The following TMCC1 variants were observed in gnomAD, a reference collection of about 807,000 sequenced individuals.
TMCC1 encodes the protein transmembrane and coiled-coil domains protein 1.
In TMCC1, 15 loss-of-function variants were observed where a neutral mutation model predicts 52.4. That is an observed-to-expected ratio of 0.29 (90% CI 0.19 to 0.44). TMCC1 has a LOEUF of 0.44. Among genes scored for constraint, TMCC1 ranks in the 20% least tolerant of loss-of-function variants. TMCC1 has a pLI of 1.00. For synonymous variants in TMCC1, 279 were observed against 301.9 expected, an observed-to-expected ratio of 0.92 and a Z score of 0.79; for missense variants, 503 against 806.0, an observed-to-expected ratio of 0.62 and a Z score of 4.55.
chr3:129,776,544 C>G (rs1431697955), intron 4 of TMCC1, among the ~76,000 whole-genome samples: 2 of 152,280 alleles, frequency 1.3e-5, no homozygotes, highest in Admixed American at 6.5e-5. Flanking sequence ...AGAAGAGGGG[C>G]ACCCAAATAG....
chr3:129,824,581 A>T (rs976054510), intron 4 of TMCC1, among the ~76,000 whole-genome samples: 4 of 152,238 alleles, frequency 2.6e-5, no homozygotes, highest in Admixed American at 2.6e-4. Context: ...GGACATAGCC[A>T]TAAACATTCT....
At chr3:129,863,834 C>T (rs1477205794) in intron 2 of TMCC1, among the ~76,000 whole-genome samples, 5 of 151,732 alleles carry the variant, frequency 3.3e-5, no homozygotes, top group East Asian at 1.9e-4. Flanking sequence ...TGTACTCCAC[C>T]CTGGGTGACA....
chr3:129,793,629 C>G (rs980064696), intron 4 of TMCC1, among the ~76,000 whole-genome samples: 5 of 152,190 alleles, frequency 3.3e-5, no homozygotes, highest in African/African-American at 1.2e-4. Context: ...TCAAGGAGGG[C>G]TGGCTACAGG....
chr3:129,708,048 T>C (rs979776396), intron 4 of TMCC1, among the ~76,000 whole-genome samples: 1 of 152,154 alleles, frequency 6.6e-6, no homozygotes, highest in Non-Finnish European at 1.5e-5. Flanking sequence ...TTACTAGTAA[T>C]TTAGTGCTTT....
intron 2 of TMCC1, among the ~76,000 whole-genome samples, chr3:129,872,366 C>T (rs2060971621): frequency 6.6e-6 from 1 of 151,902 alleles, no homozygotes; most frequent in African/African-American, 2.4e-5. Context: ...ATCAGCATTA[C>T]ATGGGAGCTT....
intron 2 of TMCC1, among the ~76,000 whole-genome samples, chr3:129,836,144 A>G (rs2107853021): frequency 6.6e-6 from 1 of 152,340 alleles, no homozygotes; most frequent in East Asian, 1.9e-4. Context: ...GGTATAATTT[A>G]TCAGGAAGAT....
Position 129,865,129 on chromosome 3 carries a change from G to C in TMCC1, c.-184+15180C>G, listed in dbSNP as rs189763023. On this transcript the variant is annotated intron_variant, in intron 2 of 6. Transcript: ENST00000393238. ...CTATCTTAATCTGGAGGGTCAAGAA[G>C]TCAGACTAGCCTCTTACACTCCCAA... Among the ~76,000 whole-genome samples the C allele has an allele frequency of 8.9e-4, 135 of 152,204 alleles. 3 individuals are homozygous for C. The East Asian group carries it at 0.024, about 27-fold the overall frequency.
intron 4 of TMCC1, chr3:129,819,961 C>G (rs941295067): frequency 6.6e-6 from 1 of 151,484 alleles, no homozygotes; most frequent in African/African-American, 2.4e-5. Context: ...ATCTACTTGA[C>G]GTCAAGTTTC....
chr3:129,804,015 G>A (rs945744947), intron 4 of TMCC1, among the ~76,000 whole-genome samples: 3 of 151,988 alleles, frequency 2.0e-5, no homozygotes, highest in African/African-American at 7.2e-5. Context: ...AGAGCACGTT[G>A]AACATGAACA....
chr3:129,749,841 T>G (rs2052335013), intron 4 of TMCC1, among the ~76,000 whole-genome samples: 1 of 152,212 alleles, frequency 6.6e-6, no homozygotes, highest in African/African-American at 2.4e-5. Flanking sequence ...TTGAGACCTG[T>G]CTCAGCTTTC....
intron 4 of TMCC1, among the ~76,000 whole-genome samples, chr3:129,734,883 CTCTT>C (rs1339002308): frequency 6.6e-6 from 1 of 151,500 alleles, no homozygotes; most frequent in Non-Finnish European, 1.5e-5. Context: ...ACCCATTAAT[CTCTT>C]TATTTTTCTG....
At chr3:129,664,508 T>G (rs1183288168) in intron 5 of TMCC1, among the ~76,000 whole-genome samples, 2 of 152,200 alleles carry the variant, frequency 1.3e-5, no homozygotes, top group Non-Finnish European at 2.9e-5. Context: ...CAATTTAAAA[T>G]ATCCCCGGGT....
chr3:129,794,500 T>G, intron 4 of TMCC1: 1 of 368,860 alleles, frequency 2.7e-6, no homozygotes, highest in Non-Finnish European at 5.2e-6. Flanking sequence ...TTAGCAAACT[T>G]GGAAAGCCTT....
intron 4 of TMCC1, among the ~76,000 whole-genome samples, chr3:129,739,388 A>T (rs1285739395): frequency 2.0e-5 from 3 of 152,060 alleles, no homozygotes; most frequent in Non-Finnish European, 4.4e-5. Context: ...GGCTGTCTCA[A>T]ACTCCTGACC....
At chr3:129,776,157 A>C (rs1257684500) in intron 4 of TMCC1, among the ~76,000 whole-genome samples, 1 of 152,134 alleles carries the variant, frequency 6.6e-6, no homozygotes, top group Admixed American at 6.6e-5. Context: ...TCTTTCTCTA[A>C]CCACTTTCTA....
intron 4 of TMCC1, chr3:129,688,386 C>T (rs1394683056): frequency 1.0e-6 from 1 of 985,388 alleles, no homozygotes; most frequent in East Asian, 1.1e-4. Context: ...CCGAGAATAA[C>T]GCTGCAAATG....
intron 4 of TMCC1, among the ~76,000 whole-genome samples, chr3:129,698,865 AT>A (rs762516850): frequency 1.3e-5 from 2 of 152,146 alleles, no homozygotes; most frequent in Non-Finnish European, 2.9e-5. Flanking sequence ...AAAACAAGTT[AT>A]CTGCAAATCC....
intron 4 of TMCC1, among the ~76,000 whole-genome samples, chr3:129,824,270 A>G (rs989971391): frequency 2.0e-5 from 3 of 152,166 alleles, no homozygotes; most frequent in Non-Finnish European, 4.4e-5. Context: ...TGGGAGGTGG[A>G]GGTTGCAGTG....
chr3:129,672,586 C>T (rs558359766), intron 4 of TMCC1, among the ~76,000 whole-genome samples: 42 of 152,054 alleles, frequency 2.8e-4, no homozygotes, highest in African/African-American at 9.4e-4. Flanking sequence ...AGTGACAGAG[C>T]GAGACCCTGT....
Sources: gnomAD v4.1 joint callset for allele counts (sites outside exome capture counted in the v4.1 genomes callset) on GRCh38, gnomAD v4.1.1 for gene constraint, MANE v1.5 for transcripts, NCBI Gene and HGNC (gene_info 2026-07-23, HGNC 2026-07-21) for gene names.